Variants in TEX51 observed in about 807,000 individuals in gnomAD.
The protein encoded by TEX51 is testis expressed 51, also known as testis-expressed protein 51.
TEX51 carries 14 observed loss-of-function variants against 8.0 expected under a neutral mutation model. The ratio of observed to expected loss-of-function variants is 1.76; its 90% CI spans 1.16 to 2.75. TEX51 has a LOEUF of 2.75. Ranked by LOEUF, TEX51 falls within the 30% of genes most tolerant of loss-of-function variation. TEX51 has a pLI of 0.00. For synonymous variants in TEX51, 58 were observed against 28.6 expected (o/e 2.03, Z -3.29); for missense variants, 142 against 77.4 (o/e 1.83, Z -3.13).
At chr2:126,901,621 G>A (rs1034653531) in intron 6 of TEX51, 4 of 598,694 alleles carry the variant, frequency 6.7e-6, no homozygotes, top group African/African-American at 5.6e-5. Context: ...CACAGAAATG[G>A]CAAAGCTCCA....
At chr2:126,900,810 G>T (rs1270620514) in intron 4 of TEX51, among the ~76,000 whole-genome samples, 1 of 152,138 alleles carries the variant, frequency 6.6e-6, no homozygotes. Context: ...TACTCCCCAG[G>T]CACACTAAGT....
rs1297601716 is a variant in TEX51, at chr2:126,901,681, C to T, written c.*3-191C>T. 5.1e-6 allele frequency: 3 copies of T among 592,692 alleles called. No homozygotes were observed. The African/African-American group carries it at 5.6e-5, about 11-fold the overall frequency. The allele number at this position is 592,692 out of a possible 1,614,324, so 36.7% of individuals were successfully genotyped here. A position where few individuals can be genotyped will look rare whatever the true frequency, so the allele number is the denominator to read the frequency against. On this transcript the variant is annotated intron_variant, in intron 6 of 6. Transcript: ENST00000568484. ...GCTCTTCCTCCCAGCTGTCCCTGTC[C>T]CCTGCACACCCCACCTTCACCCCTG...
rs997018353 is a variant in TEX51 at position 126,901,288 on chromosome 2, T to C, written c.463+10T>C. ...CTGGCCATAGCTGGAGGTGGGTGAG[T>C]GACCTCTCCAAGCCCCAGCATCCCC... On this transcript the variant is annotated intron_variant, in intron 5 of 6. Transcript: ENST00000568484. 2.5e-4 allele frequency: 172 copies of C among 699,858 alleles called. 3 individuals are homozygous for C. In the East Asian group the frequency reaches 4.2e-3, roughly 17 times the overall value. 43.4% of individuals were successfully genotyped at this position (699,858 alleles called of 1,614,324 possible). A position where few individuals can be genotyped will look rare whatever the true frequency, so the allele number is the denominator to read the frequency against.
At position 126,902,046 on chromosome 2, in the gene TEX51, C is replaced by T. The variant is rs749987486; in HGVS notation, c.*177C>T. 10 of 487,268 alleles carry T rather than the reference C, an allele frequency of 2.1e-5. No homozygotes were observed. The highest frequency in any genetic ancestry group is 3.6e-5 in the Non-Finnish European group (10 of 275,806). The allele number at this position is 487,268 out of a possible 1,614,324, so 30.2% of individuals were successfully genotyped here. A position where few individuals can be genotyped will look rare whatever the true frequency, so the allele number is the denominator to read the frequency against. On this transcript the variant is annotated 3_prime_UTR_variant, in exon 7 of 7. Transcript: ENST00000568484. ...ACTGCGCTGTCTCGTGGTTTGCCTA[C>T]TCCTACACCTTTGTAAAGAGTCTCT...
intron 4 of TEX51, among the ~76,000 whole-genome samples, chr2:126,900,659 A>G (rs1680281552): frequency 6.6e-6 from 1 of 151,898 alleles, no homozygotes. Context: ...AACATTTCCC[A>G]TTAGCCTCCC....
In TEX51 at chr2:126,901,266, G is replaced by A. The variant is rs1470137139; in HGVS notation, c.451G>A (p.Ala151Thr). ...AVSLSSALLL[A>T]IAGDVSFTGK... ...GAGTCTCAGCAGTGCTCTACTCCTG[G>A]CCATAGCTGGAGGTGGGTGAGTGAC... Residue 151 changes from alanine (A) to threonine (T), a missense_variant, in exon 5 of 7, where the codon GCC becomes ACC. Physicochemically the swap from Ala to Thr is moderately conservative, Grantham distance 58. Transcript: ENST00000568484. The A allele has an allele frequency of 1.4e-6, 1 of 698,622 alleles. No individual in the cohort carries two copies. Among genetic ancestry groups the A allele is most frequent in the Non-Finnish European group, 2.6e-6 (1 of 382,574 alleles). The allele number at this position is 698,622 out of a possible 1,614,324, so 43.3% of individuals were successfully genotyped here.
chr2:126,899,681 A>T (rs1231574969), intron 3 of TEX51, 69 bp downstream of exon 3: 6 of 693,560 alleles, frequency 8.7e-6, no homozygotes, highest in Non-Finnish European at 1.6e-5. Flanking sequence ...AGGCATGCAG[A>T]TTTCACTCTG....
intron 4 of TEX51, among the ~76,000 whole-genome samples, chr2:126,900,393 CAAAA>C (rs60057130): frequency 1.1e-5 from 1 of 89,428 alleles, no homozygotes. Context: ...GACTCTGTTT[CAAAA>C]AAAAAAAAAA....
chr2:126,900,560 T>C (rs1181112071), intron 4 of TEX51, among the ~76,000 whole-genome samples: 1 of 152,112 alleles, frequency 6.6e-6, no homozygotes, highest in Admixed American at 6.5e-5. Context: ...AGAATCACCA[T>C]GTCTTGCTAA....
intron 4 of TEX51, among the ~76,000 whole-genome samples, chr2:126,900,872 C>T (rs1680294460): frequency 6.6e-6 from 1 of 152,174 alleles, no homozygotes; most frequent in Non-Finnish European, 1.5e-5. Context: ...GTGCCGGGGA[C>T]ACAGCCTTGC....
chr2:126,900,123 T>A (rs1440340443), intron 4 of TEX51, 104 bp downstream of exon 4: 1 of 679,906 alleles, frequency 1.5e-6, no homozygotes, highest in East Asian at 2.7e-5. Context: ...GCTTTTCTTG[T>A]TCTTTATCCT....
intron 6 of TEX51, 113 bp downstream of exon 6, chr2:126,901,517 G>T: frequency 1.5e-6 from 1 of 664,870 alleles, no homozygotes; most frequent in Non-Finnish European, 2.7e-6. Flanking sequence ...GGGGTCTGGC[G>T]TGCAGAACAG....
intron 3 of TEX51, 160 bp from the exon 4 acceptor site, chr2:126,899,776 C>A: frequency 1.4e-6 from 1 of 702,202 alleles, no homozygotes; most frequent in Non-Finnish European, 2.6e-6. Context: ...CCCAGAACCC[C>A]TTGGCTCTGT....
rs1170875997 is a variant in TEX51, at chr2:126,899,311, C to A, written c.220+20C>A. On this transcript the variant is annotated intron_variant, in intron 2 of 6. Coordinates refer to ENST00000568484, the MANE Select transcript of TEX51 (RefSeq NM_001322244.2). ...GAGATGGTGAGGAAGCCAAGAGCCC[C>A]AGGGCCTTGGGGCTTGGGTTGACAA... is the stretch of plus-strand genomic sequence containing the variant. 1.4e-6 allele frequency: 1 copy of A among 702,240 alleles called. No individual in the cohort carries two copies. Among genetic ancestry groups the A allele is most frequent in the Admixed American group, 2.0e-5 (1 of 50,000 alleles). 43.5% of individuals were successfully genotyped at this position (702,240 alleles called of 1,614,324 possible).
rs1417242330 is a variant in TEX51 at position 126,900,034 on chromosome 2, C to A, written c.394+15C>A. On this transcript the variant is annotated intron_variant, in intron 4 of 6. Transcript: ENST00000568484. ...TTTCTGCCCAGGTCAGTGGCCACCA[C>A]CCTGTCCAGCCTCTCCCCTCCCTGC... The A allele has an allele frequency of 1.4e-6, 1 of 700,580 alleles. No individual in the cohort carries two copies. The highest frequency in any genetic ancestry group is 2.6e-6 in the Non-Finnish European group (1 of 384,818). 43.4% of individuals were successfully genotyped at this position (700,580 alleles called of 1,614,324 possible).
chr2:126,899,788 T>G, intron 3 of TEX51, 148 bp from the exon 4 acceptor site: 2 of 702,190 alleles, frequency 2.8e-6, no homozygotes, highest in South Asian at 3.0e-5. Context: ...TGGCTCTGTC[T>G]GCCTCCCCAG....
At chr2:126,899,416 T>C (rs1680197959) in intron 2 of TEX51, 107 bp from the exon 3 acceptor site, 7 of 681,318 alleles carry the variant, frequency 1.0e-5, no homozygotes, top group Admixed American at 4.1e-5. Flanking sequence ...ATGAATGCAG[T>C]CTGTCTCCGT....
intron 4 of TEX51, 138 bp from the exon 5 acceptor site, chr2:126,901,072 C>A (rs539830823): frequency 1.8e-6 from 1 of 561,358 alleles, no homozygotes; most frequent in Non-Finnish European, 3.2e-6. Flanking sequence ...ATGTGCTGGG[C>A]GCACAGCGTG....
rs557422889 is a variant in TEX51 at position 126,901,233 on chromosome 2, T to C, written c.418T>C (p.Trp140Arg). The change falls in exon 5 of 7, where the codon TGG becomes CGG. Residue 140 changes from tryptophan (W) to arginine (R), a missense_variant. Trp to Arg is a moderately radical substitution (Grantham distance 101). Coordinates refer to ENST00000568484, the MANE Select transcript of TEX51 (RefSeq NM_001322244.2). ...CPARNRRTSLWAVSLSSALLL... is the reference protein window; with the variant it reads ...CPARNRRTSLRAVSLSSALLL... ...AGCCAGGAACCGGCGGACCTCCCTG[T>C]GGGCTGTGAGTCTCAGCAGTGCTCT... The C allele has an allele frequency of 1.5e-6, 1 of 681,842 alleles. No individual in the cohort carries two copies. The highest frequency in any genetic ancestry group is 2.1e-5 in the Admixed American group (1 of 48,776). The allele number at this position is 681,842 out of a possible 1,614,324, so 42.2% of individuals were successfully genotyped here.
Sources: allele counts gnomAD v4.1 joint callset (sites outside exome capture counted in the v4.1 genomes callset), GRCh38; gene constraint gnomAD v4.1.1; transcripts MANE v1.5; gene names NCBI Gene and HGNC (gene_info 2026-07-23, HGNC 2026-07-21).